The following BHLHA15 variants were observed in gnomAD, a reference collection of about 807,000 sequenced individuals.
BHLHA15 encodes the protein class A basic helix-loop-helix protein 15.
BHLHA15 carries 7 observed loss-of-function variants against 10.4 expected under a neutral mutation model. The observed-to-expected ratio is 0.67, with a 90% CI of 0.38 to 1.26. The LOEUF is 1.26. Ranked by LOEUF, BHLHA15 falls within the 50% of genes most tolerant of loss-of-function variation. The probability of loss-of-function intolerance (pLI) is 0.02; values close to 1 mark genes in which losing one functional copy is unlikely to be tolerated. For synonymous variants in BHLHA15, 140 were observed against 131.5 expected (o/e 1.06, Z -0.44); for missense variants, 289 against 287.4 (o/e 1.01, Z -0.04).
At position 98,212,285 on chromosome 7, in the gene BHLHA15, C is replaced by A; in HGVS notation, c.-25C>A. On this transcript the variant is annotated 5_prime_UTR_variant, in exon 2 of 2. Transcript: ENST00000609256. ...AAGGGCCTCACCTTCCTGCCGCCAC[C>A]TCCTAGGACAGCCAGTCCAGGGCCA... 7.5e-7 allele frequency: 1 copy of A among 1,331,262 alleles called. No homozygotes were observed. The highest frequency in any genetic ancestry group is 9.6e-7 in the Non-Finnish European group (1 of 1,037,978). 82.5% of individuals were successfully genotyped at this position (1,331,262 alleles called of 1,614,324 possible). A position where few individuals can be genotyped will look rare whatever the true frequency, so the allele number is the denominator to read the frequency against.
rs369434835 is a variant in BHLHA15, at chr7:98,212,482, G to A, written c.173G>A (p.Arg58His). 47 of 1,556,056 alleles carry A rather than the reference G, an allele frequency of 3.0e-5. No individual in the cohort carries two copies. The highest frequency in any genetic ancestry group is 1.7e-4 in the Middle Eastern group (1 of 5,922). ...AAARAPGEGR[R>H]RRPGPSGPGG... The stretch of plus-strand genomic sequence containing the variant: ...GCAAGGGCTCCGGGCGAGGGCAGGC[G>A]CAGGCGGCCAGGACCCTCCGGGCCC... Residue 58 changes from arginine to histidine, a missense_variant, in exon 2 of 2, where the codon CGC (arginine) becomes CAC (histidine). Arg to His is a conservative substitution (Grantham distance 29). Transcript: ENST00000609256.
In BHLHA15 at chr7:98,214,365, G is replaced by A. The variant is rs568555190; in HGVS notation, c.*1486G>A. On this transcript the variant is annotated 3_prime_UTR_variant, in exon 2 of 2. Coordinates refer to ENST00000609256, the MANE Select transcript of BHLHA15 (RefSeq NM_177455.4). ...GGCCTGGTCTGGTCCTGGCCCTACC[G>A]CCCCAGCTGTCCTTCAGCACAGCTC... is the stretch of plus-strand genomic sequence containing the variant. 3.3e-5 allele frequency among the ~76,000 whole-genome samples: 5 copies of A among 152,332 alleles called. No homozygotes were observed. The highest frequency in any genetic ancestry group is 2.1e-4 in the South Asian group (1 of 4,830).
rs755741727 is a variant in BHLHA15 at position 98,212,515 on chromosome 7, G to A, written c.206G>A (p.Arg69His). The A allele has an allele frequency of 1.3e-5, 20 of 1,581,172 alleles. No homozygotes were observed. Among genetic ancestry groups the A allele is most frequent in the African/African-American group, 2.7e-5 (2 of 74,602 alleles). The change falls in exon 2 of 2, where the codon CGT (arginine) becomes CAT (histidine). Residue 69 changes from arginine (R) to histidine (H), a missense_variant. Transcript: ENST00000609256. ...CCAGGACCCTCCGGGCCCGGTGGCCGTCGTGACAGCAGCATCCAGCGGCGG... is the reference window on the plus strand; with the variant it reads ...CCAGGACCCTCCGGGCCCGGTGGCCATCGTGACAGCAGCATCCAGCGGCGG... ...RRPGPSGPGG[R>H]RDSSIQRRLE... is the part of the protein sequence containing the mutation.
chr7:98,212,033 G>A (rs1797913313), intron 1 of BHLHA15, among the ~76,000 whole-genome samples: 7 of 152,158 alleles, frequency 4.6e-5, no homozygotes, highest in Admixed American at 4.6e-4. Context: ...GCAGGGACAG[G>A]GACAGATTCC....
At position 98,212,305 on chromosome 7, in the gene BHLHA15, G is replaced by T. The variant is rs1220976747; in HGVS notation, c.-5G>T. ...GCCACCTCCTAGGACAGCCAGTCCA[G>T]GGCCATGAAGACCAAGAACCGGCCC... On this transcript the variant is annotated 5_prime_UTR_variant, in exon 2 of 2. In the 5' UTR this introduces an upstream ATG that the reference lacks. Coordinates refer to ENST00000609256, the MANE Select transcript of BHLHA15 (RefSeq NM_177455.4). 1 of 1,359,098 alleles carries T rather than the reference G, an allele frequency of 7.4e-7. No homozygotes were observed. 84.2% of individuals were successfully genotyped at this position (1,359,098 alleles called of 1,614,324 possible).
At position 98,212,515 on chromosome 7, in the gene BHLHA15, G is replaced by C. The variant is rs755741727; in HGVS notation, c.206G>C (p.Arg69Pro). 4 of 1,581,288 alleles carry C rather than the reference G, an allele frequency of 2.5e-6. No homozygotes were observed. Among genetic ancestry groups the C allele is most frequent in the Non-Finnish European group, 3.4e-6 (4 of 1,166,894 alleles). ...RRPGPSGPGG[R>P]RDSSIQRRLE... ...CCAGGACCCTCCGGGCCCGGTGGCC[G>C]TCGTGACAGCAGCATCCAGCGGCGG... The change falls in exon 2 of 2, where the codon CGT becomes CCT. Residue 69 changes from arginine to proline, a missense_variant. Coordinates refer to ENST00000609256, the MANE Select transcript of BHLHA15 (RefSeq NM_177455.4).
In BHLHA15 at chr7:98,212,325, C is replaced by G. The variant is rs766184189; in HGVS notation, c.16C>G (p.Arg6Gly). Residue 6 changes from arginine to glycine, a missense_variant, in exon 2 of 2, where the codon CGG becomes GGG. By Grantham distance (125) the Arg-to-Gly change is moderately radical. Coordinates refer to ENST00000609256, the MANE Select transcript of BHLHA15 (RefSeq NM_177455.4). MKTKN[R>G]PPRRRAPVQD... Reference sequence around the variant, plus strand: ...GTCCAGGGCCATGAAGACCAAGAACCGGCCCCCACGGCGCCGGGCCCCGGT... The same window carrying G: ...GTCCAGGGCCATGAAGACCAAGAACGGGCCCCCACGGCGCCGGGCCCCGGT... 2.9e-6 allele frequency: 4 copies of G among 1,371,244 alleles called. No individual in the cohort carries two copies. Among genetic ancestry groups the G allele is most frequent in the Non-Finnish European group, 3.8e-6 (4 of 1,060,902 alleles). 84.9% of individuals were successfully genotyped at this position (1,371,244 alleles called of 1,614,324 possible).
In BHLHA15 at chr7:98,213,307, A is replaced by G. The variant is rs1316162483; in HGVS notation, c.*428A>G. 6.6e-6 allele frequency among the ~76,000 whole-genome samples: 1 copy of G among 152,162 alleles called. No homozygotes were observed. Among genetic ancestry groups the G allele is most frequent in the Admixed American group, 6.5e-5 (1 of 15,278 alleles). ...AAGCCCCAGCAAGGACCCCCTCTCCAACCTTTGTTATAGGGCTACATGGGG... is the reference window on the plus strand; with the variant it reads ...AAGCCCCAGCAAGGACCCCCTCTCCGACCTTTGTTATAGGGCTACATGGGG... On this transcript the variant is annotated 3_prime_UTR_variant, in exon 2 of 2. Transcript: ENST00000609256.
rs374763373 is a variant in BHLHA15 at position 98,212,467 on chromosome 7, C to T, written c.158C>T (p.Pro53Leu). The T allele has an allele frequency of 7.8e-6, 12 of 1,547,892 alleles. No individual in the cohort carries two copies. The highest frequency in any genetic ancestry group is 8.7e-6 in the Non-Finnish European group (10 of 1,146,238). The change falls in exon 2 of 2, where the codon CCG (proline) becomes CTG (leucine). Residue 53 changes from proline to leucine, a missense_variant. Coordinates refer to ENST00000609256, the MANE Select transcript of BHLHA15 (RefSeq NM_177455.4). ...CCGGCCCGGGCCGCAGCAAGGGCTC[C>T]GGGCGAGGGCAGGCGCAGGCGGCCA... ...SRPARAAARAPGEGRRRRPGP... is the reference protein window; with the variant it reads ...SRPARAAARALGEGRRRRPGP...
Position 98,212,277 on chromosome 7 carries a change from G to A in BHLHA15, c.-33G>A. 1 of 1,321,342 alleles carries A rather than the reference G, an allele frequency of 7.6e-7. No homozygotes were observed. Among genetic ancestry groups the A allele is most frequent in the Non-Finnish European group, 9.7e-7 (1 of 1,032,270 alleles). 81.9% of individuals were successfully genotyped at this position (1,321,342 alleles called of 1,614,324 possible). A position where few individuals can be genotyped will look rare whatever the true frequency, so the allele number is the denominator to read the frequency against. On this transcript the variant is annotated 5_prime_UTR_variant, in exon 2 of 2. Coordinates refer to ENST00000609256, the MANE Select transcript of BHLHA15 (RefSeq NM_177455.4). ...TCAGCTCCAAGGGCCTCACCTTCCT[G>A]CCGCCACCTCCTAGGACAGCCAGTC...
Position 98,212,358 on chromosome 7 carries a change from A to C in BHLHA15, c.49A>C (p.Thr17Pro). 1 of 1,421,522 alleles carries C rather than the reference A, an allele frequency of 7.0e-7. No individual in the cohort carries two copies. The highest frequency in any genetic ancestry group is 1.5e-5 in the African/African-American group (1 of 66,282). 88.1% of individuals were successfully genotyped at this position (1,421,522 alleles called of 1,614,324 possible). Reference sequence around the variant, plus strand: ...ACGGCGCCGGGCCCCGGTGCAGGACACAGAGGCCACCCCCGGGGAGGGGAC... The same window carrying C: ...ACGGCGCCGGGCCCCGGTGCAGGACCCAGAGGCCACCCCCGGGGAGGGGAC... ...PPRRRAPVQD[T>P]EATPGEGTPD... The change falls in exon 2 of 2, where the codon ACA (threonine) becomes CCA (proline). Residue 17 changes from threonine to proline, a missense_variant. Transcript: ENST00000609256.
At position 98,212,903 on chromosome 7, in the gene BHLHA15, C is replaced by T. The variant is rs376729661; in HGVS notation, c.*24C>T. The T allele has an allele frequency of 1.2e-4, 187 of 1,507,864 alleles. No individual in the cohort carries two copies. In the African/African-American group the frequency reaches 2.0e-3, roughly 16 times the overall value. 93.4% of individuals were successfully genotyped at this position (1,507,864 alleles called of 1,614,324 possible). A position where few individuals can be genotyped will look rare whatever the true frequency, so the allele number is the denominator to read the frequency against. ...AGCGCCCAGTCCTGGGTGGGGGTGG[C>T]GGTGGCCGCAGCTGCCTGGCCTGCT... On this transcript the variant is annotated 3_prime_UTR_variant, in exon 2 of 2. Transcript: ENST00000609256.
At position 98,212,724 on chromosome 7, in the gene BHLHA15, C is replaced by T; in HGVS notation, c.415C>T (p.Leu139Phe). 6.4e-7 allele frequency: 1 copy of T among 1,560,736 alleles called. No homozygotes were observed. Among genetic ancestry groups the T allele is most frequent in the Non-Finnish European group, 8.7e-7 (1 of 1,152,884 alleles). Residue 139 changes from leucine (L) to phenylalanine (F), a missense_variant, in exon 2 of 2, where the codon CTC becomes TTC. Physicochemically the swap from Leu to Phe is conservative, Grantham distance 22 (BLOSUM62 0). Coordinates refer to ENST00000609256, the MANE Select transcript of BHLHA15 (RefSeq NM_177455.4). ...CATCCTGACCATGTCCAGCAGCCGC[C>T]TCCCAGGCCTGGAGGGGCCGGGCCC... is the stretch of plus-strand genomic sequence containing the variant. ...ATILTMSSSR[L>F]PGLEGPGPKL...
At position 98,212,639 on chromosome 7, in the gene BHLHA15, G is replaced by A. The variant is rs773189682; in HGVS notation, c.330G>A (p.Lys110=). ...EVIPHVRADK[K]LSKIETLTLA... is the part of the protein sequence containing the mutation. The stretch of plus-strand genomic sequence containing the variant: ...TCCCCCACGTGCGCGCGGACAAGAA[G>A]CTCTCCAAGATCGAGACGCTCACGC... Residue 110 remains lysine (K), a synonymous_variant, in exon 2 of 2, where the codon AAG becomes AAA. Coordinates refer to ENST00000609256, the MANE Select transcript of BHLHA15 (RefSeq NM_177455.4). The A allele has an allele frequency of 1.9e-6, 3 of 1,603,756 alleles. No individual in the cohort carries two copies. The highest frequency in any genetic ancestry group is 2.3e-5 in the South Asian group (2 of 88,678).
chr7:98,211,951 T>C (rs1272237901), intron 1 of BHLHA15, among the ~76,000 whole-genome samples: 2 of 151,880 alleles, frequency 1.3e-5, no homozygotes, highest in Non-Finnish European at 2.9e-5. Context: ...GGAGGCACTC[T>C]GGGGGCAGTG....
chr7:98,213,508 TCCTC>T lies in BHLHA15; in HGVS notation c.*635_*638del. Among the ~76,000 whole-genome samples the T allele has an allele frequency of 6.6e-6, 1 of 152,324 alleles. No homozygotes were observed. The highest frequency in any genetic ancestry group is 2.4e-5 in the African/African-American group (1 of 41,586). On this transcript the variant is annotated 3_prime_UTR_variant, in exon 2 of 2. Transcript: ENST00000609256. Reference sequence around the variant, plus strand: ...ATGGTGGGGAGGGGCTGGAGTCTCTTCCTCCCTCCTCCCAAGTTGGGGCTCCTGG... The same window carrying T: ...ATGGTGGGGAGGGGCTGGAGTCTCTTCCTCCTCCCAAGTTGGGGCTCCTGG...
rs1006171397 is a variant in BHLHA15, at chr7:98,213,360, A to C, written c.*481A>C. On this transcript the variant is annotated 3_prime_UTR_variant, in exon 2 of 2. Transcript: ENST00000609256. Reference sequence around the variant, plus strand: ...TGGGCTCAGCATCCTCATTTGGGGTAAACTGAGGCCCGGGACAAGCCCGGC... The same window carrying C: ...TGGGCTCAGCATCCTCATTTGGGGTCAACTGAGGCCCGGGACAAGCCCGGC... Among the ~76,000 whole-genome samples the C allele has an allele frequency of 1.3e-5, 2 of 152,242 alleles. No individual in the cohort carries two copies. The highest frequency in any genetic ancestry group is 2.9e-5 in the Non-Finnish European group (2 of 68,040).
Position 98,212,776 on chromosome 7 carries a change from A to G in BHLHA15, c.467A>G (p.Gln156Arg), listed in dbSNP as rs1421107544. Reference protein sequence around the residue: ...GPKLYQHYQQQQQVAGGALGA... With the variant: ...GPKLYQHYQQRQQVAGGALGA... The stretch of plus-strand genomic sequence containing the variant: ...AAGCTCTACCAGCACTACCAGCAGC[A>G]GCAGCAGGTGGCTGGGGGTGCGTTG... Residue 156 changes from glutamine to arginine, a missense_variant, in exon 2 of 2, where the codon CAG (glutamine) becomes CGG (arginine). By Grantham distance (43) the Gln-to-Arg change is conservative (BLOSUM62 1). Coordinates refer to ENST00000609256, the MANE Select transcript of BHLHA15 (RefSeq NM_177455.4). 1 of 1,549,938 alleles carries G rather than the reference A, an allele frequency of 6.5e-7. No homozygotes were observed. The highest frequency in any genetic ancestry group is 2.4e-5 in the East Asian group (1 of 41,424).
At chr7:98,212,214 C>A in intron 1 of BHLHA15, 42 bp from the exon 2 acceptor site, 1 of 1,191,526 alleles carries the variant, frequency 8.4e-7, no homozygotes, top group Non-Finnish European at 1.1e-6. Flanking sequence ...GTCCCCTGCC[C>A]ATGTGGGGTG....
Sources: gnomAD v4.1 joint callset for allele counts (sites outside exome capture counted in the v4.1 genomes callset) on GRCh38, gnomAD v4.1.1 for gene constraint, MANE v1.5 for transcripts, NCBI Gene and HGNC (gene_info 2026-07-23, HGNC 2026-07-21) for gene names.